The following RANBP2 variants were observed in gnomAD, a reference collection of about 807,000 sequenced individuals.
RANBP2 encodes RAN binding protein 2, also known as E3 SUMO-protein ligase RanBP2.
RANBP2 carries 57 observed loss-of-function variants against 303.6 expected under a neutral mutation model. The observed-to-expected ratio is 0.19, with a 90% CI of 0.15 to 0.23. The LOEUF (loss-of-function observed/expected upper bound fraction) is 0.23. Among genes scored for constraint, RANBP2 ranks in the 10% least tolerant of loss-of-function variants. RANBP2 has a pLI of 1.00. For missense variants in RANBP2, 3,138 were observed against 3,780.8 expected, an observed-to-expected ratio of 0.83 and a Z score of 4.46; for synonymous variants, 1,167 against 1,301.5, an observed-to-expected ratio of 0.90 and a Z score of 2.23.
chr2:109,000,370 T>A, the RANBP2 span, among the ~76,000 whole-genome samples: 1 of 151,798 alleles, frequency 6.6e-6, no homozygotes, highest in African/African-American at 2.4e-5. Context: ...CTACAAAAAA[T>A]TTAAAAATTA....
chr2:109,701,509 G>T, the RANBP2 span, among the ~76,000 whole-genome samples: 1 of 152,164 alleles, frequency 6.6e-6, no homozygotes, highest in Non-Finnish European at 1.5e-5. Context: ...GAGACAAAAG[G>T]TTGCATTCCT....
chr2:109,215,846 A>C, the RANBP2 span, among the ~76,000 whole-genome samples: 6 of 152,096 alleles, frequency 3.9e-5, no homozygotes, highest in African/African-American at 1.4e-4. Flanking sequence ...CTTTCTTCTG[A>C]CATGGAAGCA....
the RANBP2 span, among the ~76,000 whole-genome samples, chr2:109,263,514 A>T: frequency 6.6e-6 from 1 of 152,360 alleles, no homozygotes; most frequent in Middle Eastern, 3.4e-3. Context: ...GGGCTGATGC[A>T]TACATAGAAA....
the RANBP2 span, among the ~76,000 whole-genome samples, chr2:109,145,870 T>G: frequency 6.6e-6 from 1 of 152,070 alleles, no homozygotes; most frequent in Non-Finnish European, 1.5e-5. Context: ...GCCGCAGAGC[T>G]GGGGAGGCTG....
At chr2:108,781,034 G>A (rs1678220730) in intron 25 of RANBP2, among the ~76,000 whole-genome samples, 1 of 151,814 alleles carries the variant, frequency 6.6e-6, no homozygotes, top group South Asian at 2.1e-4. Flanking sequence ...TAGTAGAGAT[G>A]GGGTTTCACC....
the RANBP2 span, among the ~76,000 whole-genome samples, chr2:109,417,525 C>T: frequency 6.6e-6 from 1 of 152,174 alleles, no homozygotes; most frequent in African/African-American, 2.4e-5. Context: ...GAGGCAGGCA[C>T]AGGACCCTCC....
chr2:109,594,740 TGCACACACACACAC>T, the RANBP2 span: 3 of 152,180 alleles, frequency 2.0e-5, no homozygotes, highest in Non-Finnish European at 4.4e-5. Flanking sequence ...CACACGCACA[TGCACACACACACAC>T]ATACACAGTG....
chr2:109,122,660 A>G, the RANBP2 span, among the ~76,000 whole-genome samples: 1 of 152,204 alleles, frequency 6.6e-6, no homozygotes, highest in Non-Finnish European at 1.5e-5. Flanking sequence ...ACTTGAACCC[A>G]GGAGTTTGAA....
the RANBP2 span, among the ~76,000 whole-genome samples, chr2:109,241,768 A>C: frequency 6.1e-4 from 88 of 143,508 alleles, no homozygotes; most frequent in African/African-American, 1.6e-3. Context: ...GTCTTGAATA[A>C]TTTTTTTTTT....
At chr2:109,450,166 C>T in the RANBP2 span, among the ~76,000 whole-genome samples, 1 of 151,928 alleles carries the variant, frequency 6.6e-6, no homozygotes, top group Non-Finnish European at 1.5e-5. Context: ...GCCAACATGG[C>T]AAAACCCCAT....
the RANBP2 span, among the ~76,000 whole-genome samples, chr2:109,596,207 C>T: frequency 2.0e-5 from 3 of 152,102 alleles, no homozygotes; most frequent in African/African-American, 7.2e-5. Context: ...GAAAATCAAA[C>T]TTTAAAAATT....
the RANBP2 span, among the ~76,000 whole-genome samples, chr2:108,858,840 G>T: frequency 6.6e-6 from 1 of 152,026 alleles, no homozygotes. Flanking sequence ...TTGCTGCAAA[G>T]AACATTATTT....
the RANBP2 span, chr2:109,567,849 T>A: frequency 1.2e-6 from 2 of 1,611,708 alleles, no homozygotes; most frequent in Non-Finnish European, 1.7e-6. Flanking sequence ...AATAGTGTCA[T>A]CATCCGTTGG....
intron 2 of RANBP2, among the ~76,000 whole-genome samples, chr2:108,729,480 A>G (rs1694996594): frequency 6.6e-6 from 1 of 152,230 alleles, no homozygotes; most frequent in Non-Finnish European, 1.5e-5. Context: ...GTAAAAGAGG[A>G]CCATGCCTAT....
chr2:108,880,350 GATC>G, the RANBP2 span, among the ~76,000 whole-genome samples: 1 of 152,240 alleles, frequency 6.6e-6, no homozygotes, highest in Non-Finnish European at 1.5e-5. Context: ...TTCCCAACTT[GATC>G]TATAGATACA....
At chr2:108,998,028 T>G in the RANBP2 span, among the ~76,000 whole-genome samples, 1 of 152,212 alleles carries the variant, frequency 6.6e-6, no homozygotes, top group Non-Finnish European at 1.5e-5. Flanking sequence ...TTATGGGTCA[T>G]GCTGAATTGC....
chr2:109,491,066 G>C, the RANBP2 span: 19 of 831,786 alleles, frequency 2.3e-5, no homozygotes, highest in Non-Finnish European at 3.1e-5. Flanking sequence ...TCAACACCCA[G>C]ATCCACATGG....
the RANBP2 span, among the ~76,000 whole-genome samples, chr2:108,946,894 A>T: frequency 1.3e-5 from 2 of 151,584 alleles, no homozygotes; most frequent in African/African-American, 4.9e-5. Context: ...CCCAAATCTC[A>T]TCTTTTTTTT....
At chr2:109,522,076 A>G in the RANBP2 span, among the ~76,000 whole-genome samples, 1 of 152,118 alleles carries the variant, frequency 6.6e-6, no homozygotes, top group African/African-American at 2.4e-5. Context: ...ACTGTTTTTC[A>G]AAATTTAATT....
Sources: allele counts gnomAD v4.1 joint callset (sites outside exome capture counted in the v4.1 genomes callset), GRCh38; gene constraint gnomAD v4.1.1; transcripts MANE v1.5; gene names NCBI Gene and HGNC (gene_info 2026-07-23, HGNC 2026-07-21).